RNF111: variants seen among roughly 807,000 people sequenced by gnomAD.
RNF111 encodes E3 ubiquitin-protein ligase Arkadia.
A neutral mutation model predicts 95.1 loss-of-function variants in RNF111; 17 were observed. The ratio of observed to expected loss-of-function variants is 0.18; its 90% CI spans 0.12 to 0.27. The LOEUF is 0.27. Among genes scored for constraint, RNF111 ranks in the 10% least tolerant of loss-of-function variants. The pLI is 1.00. For missense variants in RNF111, 1,189 were observed against 1,210.4 expected (o/e 0.98, Z 0.26); for synonymous variants, 440 against 414.8 (o/e 1.06, Z -0.74).
intron 6 of RNF111, 34 bp from the exon 7 acceptor site, chr15:59,075,920 T>G (rs897426299): frequency 6.2e-7 from 1 of 1,603,294 alleles, no homozygotes; most frequent in African/African-American, 1.3e-5. Context: ...TGACCAAACT[T>G]TAGAAAGATA....
intron 6 of RNF111, among the ~76,000 whole-genome samples, chr15:59,068,364 TG>T (rs1333262696): frequency 6.6e-6 from 1 of 152,242 alleles, no homozygotes; most frequent in Non-Finnish European, 1.5e-5. Context: ...TCCAGCACTT[TG>T]GGAGGCCAAG....
intron 1 of RNF111, among the ~76,000 whole-genome samples, chr15:59,030,082 T>C (rs1278868123): frequency 6.6e-6 from 1 of 152,214 alleles, no homozygotes; most frequent in Non-Finnish European, 1.5e-5. Context: ...TAATTTAAGA[T>C]GTTGAATGAT....
Position 58,992,297 on chromosome 15 carries a change from G to A in RNF111, c.-20+4229G>A, listed in dbSNP as rs146900393. On this transcript the variant is annotated intron_variant, in intron 1 of 13. Transcript: ENST00000348370. The stretch of plus-strand genomic sequence containing the variant: ...TGATCTCAGGTGATTCGCCCGTCTC[G>A]GCCTCCCAAAGTGCTGGGATTACAG... Among the ~76,000 whole-genome samples the A allele has an allele frequency of 1.9e-3, 292 of 152,158 alleles. 4 individuals carry two copies. Among genetic ancestry groups the A allele is most frequent in the African/African-American group, 6.5e-3 (268 of 41,522 alleles).
Position 58,988,963 on chromosome 15 carries a change from C to A in RNF111, c.-20+895C>A, listed in dbSNP as rs141310339. Reference sequence around the variant, plus strand: ...AACTTTATTTCATTTGGTATTTTATCTATAATTTTCTTGTTTTAGGGGCCT... The same window carrying A: ...AACTTTATTTCATTTGGTATTTTATATATAATTTTCTTGTTTTAGGGGCCT... On this transcript the variant is annotated intron_variant, in intron 1 of 13. Transcript: ENST00000348370. Among the ~76,000 whole-genome samples the A allele has an allele frequency of 2.6e-4, 39 of 152,206 alleles. 1 individual carries two copies. The highest frequency in any genetic ancestry group is 2.8e-4 in the Non-Finnish European group (19 of 67,980).
chr15:59,051,871 G>C lies in RNF111; in HGVS notation c.881-434G>C, dbSNP rs1012447500. Among the ~76,000 whole-genome samples, 9 of 151,770 alleles carry C rather than the reference G, an allele frequency of 5.9e-5. 1 individual carries two copies. The highest frequency in any genetic ancestry group is 1.9e-4 in the African/African-American group (8 of 41,328). On this transcript the variant is annotated intron_variant, in intron 2 of 13. Coordinates refer to ENST00000348370, the MANE Select transcript of RNF111 (RefSeq NM_017610.8). ...AAAAAGCTACAGTGTTTTTTTAAAA[G>C]AATATATCACCTAAATGAAAACAAC...
At chr15:58,994,019 T>G (rs1303384630) in intron 1 of RNF111, among the ~76,000 whole-genome samples, 2 of 151,040 alleles carry the variant, frequency 1.3e-5, no homozygotes, top group East Asian at 3.9e-4. Context: ...ACATCCCAAT[T>G]TGTTGTTACT....
chr15:59,003,463 A>T (rs1019006168), intron 1 of RNF111, among the ~76,000 whole-genome samples: 1 of 151,750 alleles, frequency 6.6e-6, no homozygotes, highest in Admixed American at 6.6e-5. Context: ...CAGTGGCATG[A>T]TCCCTGCTTA....
intron 3 of RNF111, among the ~76,000 whole-genome samples, 169 bp downstream of exon 3, chr15:59,052,600 A>G (rs113790785): frequency 3.3e-5 from 4 of 121,054 alleles, no homozygotes; most frequent in African/African-American, 1.3e-4. Context: ...TTGGTAAGAG[A>G]TAGAATATTG....
intron 6 of RNF111, 21 bp from the exon 7 acceptor site, chr15:59,075,933 A>T: frequency 1.9e-6 from 3 of 1,611,686 alleles, no homozygotes; most frequent in Non-Finnish European, 2.5e-6. Flanking sequence ...GAAAGATAAA[A>T]TATACTTCCT....
At chr15:59,043,998 C>T (rs892715508) in intron 2 of RNF111, among the ~76,000 whole-genome samples, 1 of 152,126 alleles carries the variant, frequency 6.6e-6, no homozygotes, top group Non-Finnish European at 1.5e-5. Context: ...ATATGTGGCA[C>T]AAAGTTTGTG....
chr15:59,072,412 T>C (rs1178254145), intron 6 of RNF111, among the ~76,000 whole-genome samples: 1 of 152,012 alleles, frequency 6.6e-6, no homozygotes, highest in Non-Finnish European at 1.5e-5. Flanking sequence ...ATATATTAAG[T>C]TGATGTGATA....
rs1164210545 is a variant in RNF111 at position 58,993,429 on chromosome 15, T to C, written c.-20+5361T>C. 2.6e-5 allele frequency among the ~76,000 whole-genome samples: 4 copies of C among 151,872 alleles called. No homozygotes were observed. The East Asian group carries it at 5.8e-4, about 22-fold the overall frequency. Reference sequence around the variant, plus strand: ...GGTGGGTGCCTGTAATCCCAGCTGCTTGGGAGGCTGAGACAGGAGAATTGC... The same window carrying C: ...GGTGGGTGCCTGTAATCCCAGCTGCCTGGGAGGCTGAGACAGGAGAATTGC... On this transcript the variant is annotated intron_variant, in intron 1 of 13. Coordinates refer to ENST00000348370, the MANE Select transcript of RNF111 (RefSeq NM_017610.8).
At chr15:59,072,450 CTTTTTTTTT>C (rs35989790) in intron 6 of RNF111, among the ~76,000 whole-genome samples, 9 of 102,770 alleles carry the variant, frequency 8.8e-5, no homozygotes, top group Admixed American at 2.4e-4. Flanking sequence ...TCATTTCCAT[CTTTTTTTTT>C]TTTTTTTTTT....
At chr15:59,079,477 G>T (rs2078672099) in intron 7 of RNF111, among the ~76,000 whole-genome samples, 1 of 152,116 alleles carries the variant, frequency 6.6e-6, no homozygotes, top group Admixed American at 6.5e-5. Flanking sequence ...TGCTAACAAG[G>T]CATACTTTGA....
intron 1 of RNF111, among the ~76,000 whole-genome samples, chr15:59,001,869 C>T (rs914531292): frequency 6.6e-6 from 1 of 152,048 alleles, no homozygotes; most frequent in Non-Finnish European, 1.5e-5. Flanking sequence ...AACATGCATA[C>T]CTATTATAAA....
At chr15:58,997,508 T>C (rs1345007592) in intron 1 of RNF111, among the ~76,000 whole-genome samples, 2 of 145,028 alleles carry the variant, frequency 1.4e-5, no homozygotes, top group Non-Finnish European at 3.0e-5. Flanking sequence ...TGACTACACA[T>C]TTGCAGTTAA....
chr15:59,066,783 A>T lies in RNF111; in HGVS notation c.1386A>T (p.Thr462=). The T allele has an allele frequency of 3.1e-6, 5 of 1,613,866 alleles. No homozygotes were observed. The highest frequency in any genetic ancestry group is 4.2e-6 in the Non-Finnish European group (5 of 1,179,866). The change falls in exon 6 of 14, where the codon ACA becomes ACT. Residue 462 remains threonine (T), a synonymous_variant. Coordinates refer to ENST00000348370, the MANE Select transcript of RNF111 (RefSeq NM_017610.8). ...TSIGDDSRRT[T]SSAVTETGPP... The stretch of plus-strand genomic sequence containing the variant: ...TTCAAGATGACTCAAGGAGAACTAC[A>T]TCTAGTGCTGTAACGGAAACTGGCC...
intron 1 of RNF111, among the ~76,000 whole-genome samples, chr15:58,992,270 C>T (rs1373497715): frequency 6.6e-6 from 1 of 152,098 alleles, no homozygotes; most frequent in African/African-American, 2.4e-5. Context: ...GTCTTGAACT[C>T]GTGATCTCAG....
At position 59,085,728 on chromosome 15, in the gene RNF111, C is replaced by T. The variant is rs150341336; in HGVS notation, c.2493C>T (p.Ala831=). ...YTPGALHPHL[A]HYHAPPRLHH... ...CTGGTGCATTGCATCCTCACTTGGCCCATTATCACGCACCTCCTCGACTTC... is the reference window on the plus strand; with the variant it reads ...CTGGTGCATTGCATCCTCACTTGGCTCATTATCACGCACCTCCTCGACTTC... The change falls in exon 10 of 14, where the codon GCC becomes GCT. Residue 831 remains alanine, a synonymous_variant. Coordinates refer to ENST00000348370, the MANE Select transcript of RNF111 (RefSeq NM_017610.8). 9.9e-6 allele frequency: 16 copies of T among 1,613,604 alleles called. No individual in the cohort carries two copies. In the African/African-American group the frequency reaches 2.0e-4, roughly 20 times the overall value.
Sources: allele counts gnomAD v4.1 joint callset (sites outside exome capture counted in the v4.1 genomes callset), GRCh38; gene constraint gnomAD v4.1.1; transcripts MANE v1.5; gene names NCBI Gene and HGNC (gene_info 2026-07-23, HGNC 2026-07-21).